The following SND1 variants were observed in gnomAD, a reference collection of about 807,000 sequenced individuals.
SND1 encodes staphylococcal nuclease domain-containing protein 1.
SND1 carries 38 observed loss-of-function variants against 121.7 expected under a neutral mutation model. The observed-to-expected ratio is 0.31, with a 90% CI of 0.24 to 0.41. The LOEUF (loss-of-function observed/expected upper bound fraction) is 0.41. Among genes scored for constraint, SND1 ranks in the 10% least tolerant of loss-of-function variants. The pLI, the probability that SND1 is intolerant of heterozygous loss-of-function variation, is 1.00. For missense variants in SND1, 868 were observed against 1,184.6 expected (o/e 0.73, Z 3.92); for synonymous variants, 401 against 447.4 (o/e 0.90, Z 1.31).
intron 15 of SND1, among the ~76,000 whole-genome samples, chr7:127,978,455 A>C (rs1462951880): frequency 6.6e-6 from 1 of 152,194 alleles, no homozygotes; most frequent in Non-Finnish European, 1.5e-5. Flanking sequence ...GGCATTTTCA[A>C]GGTTTGAGCT....
At chr7:127,720,405 GA>G (rs903337350) in intron 9 of SND1, among the ~76,000 whole-genome samples, 9 of 150,898 alleles carry the variant, frequency 6.0e-5, no homozygotes, top group Middle Eastern at 3.4e-3. Flanking sequence ...TTGCTTCAAA[GA>G]AAAAAAAAGG....
At chr7:127,665,477 G>A (rs1036728389) in intron 1 of SND1, among the ~76,000 whole-genome samples, 4 of 152,154 alleles carry the variant, frequency 2.6e-5, no homozygotes, top group Middle Eastern at 3.4e-3. Flanking sequence ...GTGAGACACC[G>A]CGCCCGGCCG....
At chr7:127,673,076 C>G (rs1795551052) in intron 1 of SND1, among the ~76,000 whole-genome samples, 1 of 149,568 alleles carries the variant, frequency 6.7e-6, no homozygotes, top group Non-Finnish European at 1.5e-5. Context: ...ATATTTTAAC[C>G]TGTTCATTAT....
intron 16 of SND1, among the ~76,000 whole-genome samples, chr7:128,032,563 C>G (rs1017854326): frequency 6.6e-6 from 1 of 151,906 alleles, no homozygotes; most frequent in African/African-American, 2.4e-5. Flanking sequence ...CCGGGGCCCC[C>G]TGGCTCTGAA....
At chr7:127,817,404 T>C (rs562328171) in intron 11 of SND1, among the ~76,000 whole-genome samples, 1 of 152,322 alleles carries the variant, frequency 6.6e-6, no homozygotes, top group Non-Finnish European at 1.5e-5. Flanking sequence ...TCTCTGCTTA[T>C]AGACTTGCCC....
intron 9 of SND1, 29 bp downstream of exon 9, chr7:127,707,676 A>G (rs201539838): frequency 2.5e-5 from 38 of 1,544,738 alleles, no homozygotes; most frequent in African/African-American, 1.8e-4. Context: ...CTTGATATGC[A>G]TAGTGGACAT....
chr7:127,769,035 A>C (rs1797468225), intron 10 of SND1, among the ~76,000 whole-genome samples: 1 of 152,192 alleles, frequency 6.6e-6, no homozygotes, highest in Non-Finnish European at 1.5e-5. Flanking sequence ...TGTATATGGC[A>C]AATTCTTTGT....
At position 128,031,213 on chromosome 7, in the gene SND1, C is replaced by T. The variant is rs111614365; in HGVS notation, c.1779+40157C>T. On this transcript the variant is annotated intron_variant, in intron 16 of 23. Coordinates refer to ENST00000354725, the MANE Select transcript of SND1 (RefSeq NM_014390.4). ...CCCCTCCGCCCAAGGAGCGGCGCCA[C>T]CAGCGCTTCCCGGCTTTGTCCTTGG... is the stretch of plus-strand genomic sequence containing the variant. 809 of 152,422 alleles carry T rather than the reference C, an allele frequency of 5.3e-3. 5 individuals carry two copies. The highest frequency in any genetic ancestry group is 0.011 in the Admixed American group (161 of 15,308). 9.4% of individuals were successfully genotyped at this position (152,422 alleles called of 1,614,324 possible). A position where few individuals can be genotyped will look rare whatever the true frequency, so the allele number is the denominator to read the frequency against.
At chr7:127,964,229 C>A (rs1303607092) in intron 15 of SND1, among the ~76,000 whole-genome samples, 2 of 151,478 alleles carry the variant, frequency 1.3e-5, no homozygotes, top group African/African-American at 4.9e-5. Context: ...ATGGTAGTTT[C>A]TTTTGCTGTG....
chr7:127,777,443 AG>A (rs1797642037), intron 10 of SND1, among the ~76,000 whole-genome samples: 1 of 152,250 alleles, frequency 6.6e-6, no homozygotes, highest in African/African-American at 2.4e-5. Flanking sequence ...TCAGCTTTGT[AG>A]CACAGATTTG....
intron 16 of SND1, 45 bp from the exon 17 acceptor site, chr7:128,074,457 C>T (rs1344463958): frequency 1.3e-6 from 2 of 1,565,684 alleles, no homozygotes; most frequent in East Asian, 2.3e-5. Context: ...CCCCTGCACA[C>T]TCAGGCCTGG....
intron 10 of SND1, among the ~76,000 whole-genome samples, chr7:127,787,771 G>T (rs2116533574): frequency 6.6e-6 from 1 of 152,168 alleles, no homozygotes; most frequent in South Asian, 2.1e-4. Flanking sequence ...TATTATCTTT[G>T]AATTTTTGAA....
chr7:128,028,367 GTTTAT>G (rs993862976), intron 16 of SND1: 5 of 258,858 alleles, frequency 1.9e-5, no homozygotes, highest in East Asian at 8.6e-5. Flanking sequence ...TGTTGTTTTA[GTTTAT>G]TTTATCTCAG....
chr7:127,695,003 C>T lies in SND1; in HGVS notation c.349+55C>T, dbSNP rs114841478. On this transcript the variant is annotated intron_variant, in intron 3 of 23. Transcript: ENST00000354725. ...TCAAGTCTAAAGTTCTGTTAAAGAT[C>T]AGTTTTCTTGTGGTGGAAGGCCAGT... 356 of 1,585,776 alleles carry T rather than the reference C, an allele frequency of 2.2e-4. 2 individuals are homozygous for T. The African/African-American group carries it at 4.5e-3, about 20-fold the overall frequency.
rs746337677 is a variant in SND1, at chr7:127,701,338, A to T, written c.589+15A>T. On this transcript the variant is annotated intron_variant, in intron 5 of 23. Transcript: ENST00000354725. ...GCCTGTTAATGGTGAGGCTGGTGGG[A>T]ACAGACAGATACGACTCAGGGTGAT... is the stretch of plus-strand genomic sequence containing the variant. The T allele has an allele frequency of 5.6e-6, 9 of 1,611,466 alleles. No homozygotes were observed. The highest frequency in any genetic ancestry group is 7.6e-6 in the Non-Finnish European group (9 of 1,178,566).
At chr7:127,947,680 C>CT (rs1324098374) in intron 15 of SND1, among the ~76,000 whole-genome samples, 11 of 152,180 alleles carry the variant, frequency 7.2e-5, no homozygotes, top group African/African-American at 2.7e-4. Context: ...AAGGAAGACT[C>CT]TTATTTTTTT....
At chr7:127,919,013 C>T (rs868539480) in intron 14 of SND1, among the ~76,000 whole-genome samples, 58 of 152,210 alleles carry the variant, frequency 3.8e-4, no homozygotes, top group African/African-American at 1.3e-3. Flanking sequence ...GGAACTTTCT[C>T]TTCTGAATTG....
At chr7:127,851,237 A>C (rs1248907251) in intron 12 of SND1, among the ~76,000 whole-genome samples, 1 of 152,158 alleles carries the variant, frequency 6.6e-6, no homozygotes, top group African/African-American at 2.4e-5. Context: ...AGTTGAGTTG[A>C]GTGCCAAGCT....
At chr7:128,073,420 G>GTCC (rs1793448219) in intron 16 of SND1, among the ~76,000 whole-genome samples, 1 of 152,112 alleles carries the variant, frequency 6.6e-6, no homozygotes, top group African/African-American at 2.4e-5. Flanking sequence ...GGAAGCGAGG[G>GTCC]TCCTGCCTCT....
Sources: gnomAD v4.1 joint callset for allele counts (sites outside exome capture counted in the v4.1 genomes callset) on GRCh38, gnomAD v4.1.1 for gene constraint, MANE v1.5 for transcripts, NCBI Gene and HGNC (gene_info 2026-07-23, HGNC 2026-07-21) for gene names.